Variants in PTPN1 observed in about 807,000 individuals in gnomAD.
The protein encoded by PTPN1 is tyrosine-protein phosphatase non-receptor type 1.
A neutral mutation model predicts 59.9 loss-of-function variants in PTPN1; 12 were observed. That is an observed-to-expected ratio of 0.20 (90% CI 0.13 to 0.32). The LOEUF is 0.32. Among genes scored for constraint, PTPN1 ranks in the 10% least tolerant of loss-of-function variants. The pLI, the probability that PTPN1 is intolerant of heterozygous loss-of-function variation, is 1.00. For missense variants in PTPN1, 356 were observed against 549.2 expected (o/e 0.65, Z 3.52); for synonymous variants, 178 against 203.6 (o/e 0.87, Z 1.07).
intron 1 of PTPN1, among the ~76,000 whole-genome samples, chr20:50,514,454 T>C (rs1050442946): frequency 6.6e-6 from 1 of 152,262 alleles, no homozygotes; most frequent in Non-Finnish European, 1.5e-5. Context: ...TTTCTCTTTG[T>C]TAAAGAAAAC....
intron 2 of PTPN1, among the ~76,000 whole-genome samples, chr20:50,564,618 G>A (rs1258488246): frequency 6.6e-6 from 1 of 152,088 alleles, no homozygotes; most frequent in Non-Finnish European, 1.5e-5. Context: ...ATGCATCAGA[G>A]AACAGATCCT....
Position 50,555,657 on chromosome 20 carries a change from T to C in PTPN1, c.64-5706T>C, listed in dbSNP as rs578119663. On this transcript the variant is annotated intron_variant, in intron 1 of 9. Coordinates refer to ENST00000371621, the MANE Select transcript of PTPN1 (RefSeq NM_002827.4). ...AATCTGTTTTTTAAAAAGTATTATG[T>C]AGATACCTTTTATTTTCCCAATGTC... is the stretch of plus-strand genomic sequence containing the variant. 3.3e-5 allele frequency among the ~76,000 whole-genome samples: 5 copies of C among 152,292 alleles called. No individual in the cohort carries two copies. The South Asian group carries it at 1.0e-3, about 32-fold the overall frequency.
At chr20:50,523,948 C>G (rs1453759758) in intron 1 of PTPN1, among the ~76,000 whole-genome samples, 2 of 152,280 alleles carry the variant, frequency 1.3e-5, no homozygotes, top group East Asian at 3.9e-4. Context: ...TAAGTGTCAC[C>G]TAGGCTTGAA....
At chr20:50,581,610 G>A (rs1326922725) in intron 9 of PTPN1, 150 bp downstream of exon 9, 1 of 918,290 alleles carries the variant, frequency 1.1e-6, no homozygotes, top group Non-Finnish European at 1.5e-6. Flanking sequence ...AACTGTGGAA[G>A]GGCTAACAAG....
rs117715305 is a variant in PTPN1, at chr20:50,553,355, T to A, written c.64-8008T>A. Among the ~76,000 whole-genome samples the A allele has an allele frequency of 8.1e-3, 1,227 of 152,316 alleles. 8 individuals are homozygous for A. Among genetic ancestry groups the A allele is most frequent in the Middle Eastern group, 0.014 (4 of 294 alleles). ...GGGGTTCAAAGGAGGCTGAAATGGC[T>A]AGGATTTGCAGAGCAGGGTACTAAG... On this transcript the variant is annotated intron_variant, in intron 1 of 9. Coordinates refer to ENST00000371621, the MANE Select transcript of PTPN1 (RefSeq NM_002827.4).
intron 1 of PTPN1, among the ~76,000 whole-genome samples, chr20:50,544,413 C>T (rs990569497): frequency 6.6e-6 from 1 of 152,174 alleles, no homozygotes; most frequent in African/African-American, 2.4e-5. Flanking sequence ...CCCTTGGCCT[C>T]CCAAAGTGCT....
intron 1 of PTPN1, among the ~76,000 whole-genome samples, chr20:50,534,990 C>CTGCCTTCAGGCGGTCT (rs2082618124): frequency 6.6e-6 from 1 of 152,232 alleles, no homozygotes; most frequent in South Asian, 2.1e-4. Flanking sequence ...TCAGGCGGTC[C>CTGCCTTCAGGCGGTCT]TCCTGCATTG....
At chr20:50,538,237 A>AC (rs397734003) in intron 1 of PTPN1, among the ~76,000 whole-genome samples, 1 of 151,636 alleles carries the variant, frequency 6.6e-6, no homozygotes, top group African/African-American at 2.4e-5. Flanking sequence ...AAAAAAAAAA[A>AC]CAGAAATGTG....
At position 50,581,270 on chromosome 20, in the gene PTPN1, G is replaced by A. The variant is rs778743864; in HGVS notation, c.1094G>A (p.Ser365Asn). The stretch of plus-strand genomic sequence containing the variant: ...TCTGCCCTCTGATTCCTCAGCATGA[G>A]TCAAGACACTGAAGTTAGAAGTCGG... ...NAAPYGIESMSQDTEVRSRVV... is the reference protein window; with the variant it reads ...NAAPYGIESMNQDTEVRSRVV... Residue 365 changes from serine to asparagine, a missense_variant, in exon 9 of 10, where the codon AGT becomes AAT. This residue lies in a region of PTPN1 where 62 missense variants were observed against 97.2 expected (regional missense o/e 0.64). Transcript: ENST00000371621. 1.2e-6 allele frequency: 2 copies of A among 1,606,966 alleles called. No homozygotes were observed. Among genetic ancestry groups the A allele is most frequent in the South Asian group, 2.2e-5 (2 of 90,766 alleles).
intron 1 of PTPN1, among the ~76,000 whole-genome samples, chr20:50,545,825 A>C (rs568528319): frequency 8.5e-5 from 13 of 152,170 alleles, no homozygotes; most frequent in South Asian, 2.1e-4. Context: ...AGACCAGCCC[A>C]GGCAGCATAG....
chr20:50,527,151 C>T (rs1307401989), intron 1 of PTPN1, among the ~76,000 whole-genome samples: 6 of 152,152 alleles, frequency 3.9e-5, no homozygotes, highest in South Asian at 4.1e-4. Flanking sequence ...TCCCTATTAT[C>T]ATCTTATGTA....
Position 50,561,346 on chromosome 20 carries a change from T to C in PTPN1, c.64-17T>C. ...AGTGTCTGACGGTCAGTTAAATGTC[T>C]TTATTCTTTTTTGTAGGATATCCGA... On this transcript the variant is annotated splice_polypyrimidine_tract_variant and intron_variant, in intron 1 of 9. Coordinates refer to ENST00000371621, the MANE Select transcript of PTPN1 (RefSeq NM_002827.4). 6.3e-7 allele frequency: 1 copy of C among 1,580,312 alleles called. No homozygotes were observed. Among genetic ancestry groups the C allele is most frequent in the South Asian group, 1.1e-5 (1 of 88,662 alleles).
At chr20:50,543,272 A>G (rs1355383866) in intron 1 of PTPN1, among the ~76,000 whole-genome samples, 1 of 152,240 alleles carries the variant, frequency 6.6e-6, no homozygotes, top group African/African-American at 2.4e-5. Context: ...ACAGAAGGAC[A>G]AAGGAGCAGT....
At chr20:50,530,565 G>T (rs903240446) in intron 1 of PTPN1, among the ~76,000 whole-genome samples, 1 of 151,818 alleles carries the variant, frequency 6.6e-6, no homozygotes. Context: ...CACCATGTTG[G>T]TCAGGATGGT....
intron 1 of PTPN1, among the ~76,000 whole-genome samples, chr20:50,514,524 TTTTC>T (rs147839042): frequency 0.025 from 3,839 of 152,192 alleles, 58 homozygotes; most frequent in East Asian, 0.051. Flanking sequence ...TAGCACTGCT[TTTTC>T]TTTCTTTCTT....
At chr20:50,523,011 C>A (rs1459590882) in intron 1 of PTPN1, among the ~76,000 whole-genome samples, 4 of 151,652 alleles carry the variant, frequency 2.6e-5, no homozygotes, top group African/African-American at 9.7e-5. Context: ...GGTGATCCAT[C>A]CACCTCGGCC....
intron 1 of PTPN1, among the ~76,000 whole-genome samples, chr20:50,524,308 T>C (rs2082563824): frequency 6.6e-6 from 1 of 152,174 alleles, no homozygotes; most frequent in Admixed American, 6.5e-5. Flanking sequence ...CAGTACAGGA[T>C]TCATTGAAGT....
intron 7 of PTPN1, 145 bp downstream of exon 7, chr20:50,579,474 C>A: frequency 9.1e-7 from 1 of 1,104,928 alleles, no homozygotes; most frequent in Non-Finnish European, 1.3e-6. Flanking sequence ...AGAAAGTTGT[C>A]AAAATGTTCA....
intron 3 of PTPN1, among the ~76,000 whole-genome samples, chr20:50,565,454 A>G (rs1453577385): frequency 6.6e-6 from 1 of 152,248 alleles, no homozygotes; most frequent in African/African-American, 2.4e-5. Flanking sequence ...GCAGTAGACC[A>G]GGAATCTCTG....
Sources: gnomAD v4.1 joint callset for allele counts (sites outside exome capture counted in the v4.1 genomes callset) on GRCh38, gnomAD v4.1.1 for gene constraint, gnomAD v4.1.1 regional missense constraint, MANE v1.5 for transcripts, NCBI Gene and HGNC (gene_info 2026-07-23, HGNC 2026-07-21) for gene names.